Variants in RGS8 observed in about 807,000 individuals in gnomAD.
The protein encoded by RGS8 is regulator of G protein signaling 8, also known as regulator of G-protein signaling 8.
RGS8 carries 8 observed loss-of-function variants against 21.7 expected under a neutral mutation model. The observed-to-expected ratio is 0.37, with a 90% CI of 0.22 to 0.66. RGS8 has a LOEUF of 0.66. Ranked by LOEUF, RGS8 falls within the 30% of genes least tolerant of loss-of-function variation. RGS8 has a pLI of 0.59. For missense variants in RGS8, 157 were observed against 217.9 expected (o/e 0.72, Z 1.76); for synonymous variants, 80 against 83.6 (o/e 0.96, Z 0.24).
intron 5 of RGS8, among the ~76,000 whole-genome samples, chr1:182,664,562 C>T (rs1012004369): frequency 6.6e-6 from 1 of 152,044 alleles, no homozygotes; most frequent in East Asian, 1.9e-4. Context: ...ACTTGTTTAG[C>T]CTAATGTGAC....
chr1:182,749,408 T>G, the RGS8 span, among the ~76,000 whole-genome samples: 1 of 152,204 alleles, frequency 6.6e-6, no homozygotes, highest in African/African-American at 2.4e-5. Flanking sequence ...ATGCATGGAT[T>G]TAGTTCTGGG....
chr1:182,647,781 A>T (rs532780843), intron 6 of RGS8, among the ~76,000 whole-genome samples: 1 of 152,350 alleles, frequency 6.6e-6, no homozygotes, highest in East Asian at 1.9e-4. Flanking sequence ...TGGAGCTAAA[A>T]TTGAAACAAG....
At chr1:182,663,520 G>C (rs1663703276) in intron 5 of RGS8, among the ~76,000 whole-genome samples, 1 of 152,150 alleles carries the variant, frequency 6.6e-6, no homozygotes, top group African/African-American at 2.4e-5. Context: ...AAGCAATCTG[G>C]TGTCAGCTTG....
chr1:182,676,432 A>G (rs1189144049), upstream of RGS8, among the ~76,000 whole-genome samples: 1 of 152,196 alleles, frequency 6.6e-6, no homozygotes, highest in Non-Finnish European at 1.5e-5. Flanking sequence ...TCCACTTCGT[A>G]GCTTCCTAGT....
At chr1:182,741,687 C>A in the RGS8 span, among the ~76,000 whole-genome samples, 1 of 116,486 alleles carries the variant, frequency 8.6e-6, no homozygotes, top group East Asian at 2.5e-4. Flanking sequence ...TCCTCACTTC[C>A]CAGTAGGGGC....
chr1:182,674,023 C>T (rs1163801271), upstream of RGS8, among the ~76,000 whole-genome samples: 7 of 152,182 alleles, frequency 4.6e-5, no homozygotes, highest in Admixed American at 1.3e-4. Context: ...GAAACAGAGA[C>T]GCGTCATTTA....
chr1:182,651,942 G>A lies in RGS8; in HGVS notation c.194-3639C>T, dbSNP rs779161850. Among the ~76,000 whole-genome samples the A allele has an allele frequency of 9.2e-5, 14 of 152,324 alleles. No individual in the cohort carries two copies. The South Asian group carries it at 2.7e-3, about 29-fold the overall frequency. ...GGACTCTGAGCAGTGACCAGTCCAC[G>A]ATTTCACTATCAATGGACACAGGGA... On this transcript the variant is annotated intron_variant, in intron 5 of 6. Transcript: ENST00000483095.
At chr1:182,690,751 T>G in the RGS8 span, among the ~76,000 whole-genome samples, 3 of 152,248 alleles carry the variant, frequency 2.0e-5, no homozygotes, top group East Asian at 5.8e-4. Flanking sequence ...GTTGAAGTGA[T>G]GGCCCTTCAT....
the RGS8 span, among the ~76,000 whole-genome samples, chr1:182,736,473 A>G: frequency 6.6e-6 from 1 of 152,220 alleles, no homozygotes; most frequent in Non-Finnish European, 1.5e-5. Context: ...TAGTAGATTT[A>G]GTAGAATTGG....
At chr1:182,738,496 A>G in the RGS8 span, among the ~76,000 whole-genome samples, 1 of 152,204 alleles carries the variant, frequency 6.6e-6, no homozygotes. Context: ...AGATTTTTAA[A>G]TGAAATTAGA....
the RGS8 span, among the ~76,000 whole-genome samples, chr1:182,705,469 G>A: frequency 5.3e-5 from 8 of 152,172 alleles, no homozygotes; most frequent in Non-Finnish European, 1.2e-4. Context: ...CAGAAGTAAT[G>A]TGTTACCAGC....
intron 6 of RGS8, 82 bp from the exon 8 acceptor site, chr1:182,646,999 A>G: frequency 1.7e-6 from 2 of 1,150,070 alleles, no homozygotes; most frequent in African/African-American, 1.5e-5. Context: ...TGCAATAATT[A>G]TGAATGACAG....
chr1:182,649,563 CT>C (rs1662896020), intron 5 of RGS8, among the ~76,000 whole-genome samples: 1 of 152,108 alleles, frequency 6.6e-6, no homozygotes, highest in Non-Finnish European at 1.5e-5. Context: ...ATTAATATGG[CT>C]TTTCATTTTT....
chr1:182,732,525 A>G, the RGS8 span, among the ~76,000 whole-genome samples: 21,560 of 152,206 alleles, frequency 0.14, 2,107 homozygotes, highest in Non-Finnish European at 0.21. Flanking sequence ...CTGCTAGCCA[A>G]TGTTAACATT....
At chr1:182,700,122 A>G in the RGS8 span, among the ~76,000 whole-genome samples, 3 of 152,114 alleles carry the variant, frequency 2.0e-5, no homozygotes, top group Admixed American at 1.3e-4. Context: ...CGAGGGGAGA[A>G]CTAGCTCCAT....
chr1:182,712,914 A>G, the RGS8 span: 1 of 152,160 alleles, frequency 6.6e-6, no homozygotes, highest in African/African-American at 2.4e-5. Context: ...GGGCTGTAGC[A>G]CCCTGAAATA....
chr1:182,687,978 A>G (rs1052868902), upstream of RGS8, among the ~76,000 whole-genome samples: 1 of 152,246 alleles, frequency 6.6e-6, no homozygotes, highest in Non-Finnish European at 1.5e-5. Flanking sequence ...AGTTTATGGT[A>G]CATTTACACT....
upstream of RGS8, among the ~76,000 whole-genome samples, chr1:182,675,725 T>C (rs1664334878): frequency 6.6e-6 from 1 of 152,100 alleles, no homozygotes. Context: ...CCAAACCTTT[T>C]TCAGAATTCT....
intron 5 of RGS8, among the ~76,000 whole-genome samples, chr1:182,650,595 T>C (rs1049030185): frequency 2.6e-5 from 4 of 152,182 alleles, no homozygotes; most frequent in African/African-American, 9.7e-5. Flanking sequence ...GGTGCAGTTG[T>C]TCATACCTGT....
Sources: gnomAD v4.1 joint callset for allele counts (sites outside exome capture counted in the v4.1 genomes callset) on GRCh38, gnomAD v4.1.1 for gene constraint, MANE v1.5 for transcripts, NCBI Gene and HGNC (gene_info 2026-07-23, HGNC 2026-07-21) for gene names.